Variants in SMARCD1 observed in about 807,000 individuals in gnomAD.
SMARCD1 encodes the protein SWI/SNF-related matrix-associated actin-dependent regulator of chromatin subfamily D member 1.
Under a neutral mutation model 70.8 loss-of-function variants are expected in SMARCD1, and 16 were observed. The ratio of observed to expected loss-of-function variants is 0.23; its 90% CI spans 0.15 to 0.34. The LOEUF is 0.34. Ranked by LOEUF, SMARCD1 falls within the 10% of genes least tolerant of loss-of-function variation. SMARCD1 has a pLI of 1.00. For missense variants in SMARCD1, 409 were observed against 655.5 expected, an observed-to-expected ratio of 0.62 and a Z score of 4.11; for synonymous variants, 249 against 246.0, an observed-to-expected ratio of 1.01 and a Z score of -0.11.
rs145422904 is a variant in SMARCD1, at chr12:50,086,056, C to T, written c.178-105C>T. The T allele has an allele frequency of 2.1e-3, 1,831 of 881,560 alleles. 3 individuals carry two copies. Among genetic ancestry groups the T allele is most frequent in the Non-Finnish European group, 1.8e-3 (1,084 of 600,724 alleles). The allele number at this position is 881,560 out of a possible 1,614,324, so 54.6% of individuals were successfully genotyped here. The stretch of plus-strand genomic sequence containing the variant: ...CCTCTCATTGTCCTCCATTCCATCC[C>T]TAAACCTTACTTCATTCAAAGATCT... On this transcript the variant is annotated intron_variant, in intron 1 of 12. Coordinates refer to ENST00000394963, the MANE Select transcript of SMARCD1 (RefSeq NM_003076.5).
chr12:50,090,474 C>T lies in SMARCD1; in HGVS notation c.1036-19C>T. 1 of 1,613,166 alleles carries T rather than the reference C, an allele frequency of 6.2e-7. No individual in the cohort carries two copies. ...TTATGCTCAAACTGCTAACCTCGTG[C>T]TTCTCCCCTTTGCTACAGATCTTTG... On this transcript the variant is annotated intron_variant, in intron 8 of 12. Coordinates refer to ENST00000394963, the MANE Select transcript of SMARCD1 (RefSeq NM_003076.5).
In SMARCD1 at chr12:50,090,358, C is replaced by G; in HGVS notation, c.991C>G (p.Pro331Ala). 1 of 1,614,080 alleles carries G rather than the reference C, an allele frequency of 6.2e-7. No individual in the cohort carries two copies. Among genetic ancestry groups the G allele is most frequent in the Non-Finnish European group, 8.5e-7 (1 of 1,180,008 alleles). ...QYIKTHKLQD[P>A]HEREFVICDK... ...TATTAAGACACATAAGCTCCAGGAC[C>G]CTCACGAGCGGGAGTTTGTCATCTG... Residue 331 changes from proline to alanine, a missense_variant, in exon 8 of 13, where the codon CCT becomes GCT. Around this residue, in one of 2 missense-constraint regions of SMARCD1, gnomAD observed 269 missense variants for 498.6 expected, o/e 0.54. Coordinates refer to ENST00000394963, the MANE Select transcript of SMARCD1 (RefSeq NM_003076.5).
intron 1 of SMARCD1, 156 bp from the exon 2 acceptor site, chr12:50,086,005 G>A (rs766123827): frequency 2.7e-4 from 128 of 472,698 alleles, no homozygotes; most frequent in Non-Finnish European, 4.1e-4. Flanking sequence ...TTTTTCTATG[G>A]AGTCACTACT....
intron 11 of SMARCD1, among the ~76,000 whole-genome samples, chr12:50,097,467 G>C (rs1950902739): frequency 6.6e-6 from 1 of 152,066 alleles, no homozygotes; most frequent in Non-Finnish European, 1.5e-5. Flanking sequence ...CAGGAGAATT[G>C]CTTGAACCCA....
At chr12:50,094,298 A>G in intron 9 of SMARCD1, 139 bp from the exon 10 acceptor site, 1 of 771,514 alleles carries the variant, frequency 1.3e-6, no homozygotes, top group East Asian at 2.5e-5. Flanking sequence ...AGTGTAGAAC[A>G]TTTCTGTCAC....
chr12:50,098,681 T>G, intron 11 of SMARCD1, 33 bp from the exon 12 acceptor site: 2 of 1,538,080 alleles, frequency 1.3e-6, no homozygotes, highest in Non-Finnish European at 1.8e-6. Flanking sequence ...TTCTCCTCTC[T>G]CTTCCTCCAC....
At chr12:50,087,074 T>C (rs1950798320) in intron 4 of SMARCD1, among the ~76,000 whole-genome samples, 196 bp downstream of exon 4, 1 of 152,220 alleles carries the variant, frequency 6.6e-6, no homozygotes, top group South Asian at 2.1e-4. Flanking sequence ...TCTTGATGTC[T>C]CTTGCACTAC....
In SMARCD1 at chr12:50,090,582, T is replaced by C; in HGVS notation, c.1125T>C (p.His375=). The change falls in exon 9 of 13, where the codon CAT becomes CAC. Residue 375 remains histidine, a synonymous_variant. Transcript: ENST00000394963. ...LMPPEPIIIN[H]VISVDPNDQK... is the part of the protein sequence containing the mutation. ...CACCAGAACCTATCATCATTAATCATGTCATCAGGTAGGCCTGTGTGTGGG... is the reference window on the plus strand; with the variant it reads ...CACCAGAACCTATCATCATTAATCACGTCATCAGGTAGGCCTGTGTGTGGG... 6.2e-7 allele frequency: 1 copy of C among 1,612,604 alleles called. No homozygotes were observed. The highest frequency in any genetic ancestry group is 8.5e-7 in the Non-Finnish European group (1 of 1,178,678).
Position 50,086,768 on chromosome 12 carries a change from G to A in SMARCD1, c.421G>A (p.Val141Ile). ...TTCTGTTCCTAAGATTCGTGAACTG[G>A]TACCAGAATCCCAGGCCTATATGGA... ...KILPQRIREL[V>I]PESQAYMDLL... Residue 141 changes from valine to isoleucine, a missense_variant, in exon 4 of 13, where the codon GTA becomes ATA. Transcript: ENST00000394963. 1 of 1,614,026 alleles carries A rather than the reference G, an allele frequency of 6.2e-7. No homozygotes were observed. The highest frequency in any genetic ancestry group is 8.5e-7 in the Non-Finnish European group (1 of 1,179,996).
chr12:50,097,147 G>A lies in SMARCD1; in HGVS notation c.1392+175G>A, dbSNP rs148774423. On this transcript the variant is annotated intron_variant, in intron 11 of 12. Coordinates refer to ENST00000394963, the MANE Select transcript of SMARCD1 (RefSeq NM_003076.5). ...AGGGAAATGGGGGCAGAGCCATCAA[G>A]TGTTGATTTAGTGCTTACTTTGTCT... Among the ~76,000 whole-genome samples the A allele has an allele frequency of 4.0e-3, 606 of 152,366 alleles. 5 individuals are homozygous for A. Among genetic ancestry groups the A allele is most frequent in the African/African-American group, 0.014 (572 of 41,592 alleles).
intron 10 of SMARCD1, among the ~76,000 whole-genome samples, chr12:50,096,315 AC>A (rs1950892845): frequency 2.0e-5 from 3 of 152,202 alleles, no homozygotes; most frequent in African/African-American, 7.2e-5. Flanking sequence ...TATTGGAGAA[AC>A]GGTAGTGAGT....
At chr12:50,098,415 G>A (rs145665744) in intron 11 of SMARCD1, 134 of 382,060 alleles carry the variant, frequency 3.5e-4, no homozygotes, top group African/African-American at 2.7e-3. Context: ...CTTGTAGGTG[G>A]TGGTCTCTGT....
chr12:50,088,703 T>A, intron 6 of SMARCD1, 66 bp downstream of exon 6: 1 of 888,800 alleles, frequency 1.1e-6, no homozygotes, highest in Non-Finnish European at 1.8e-6. Flanking sequence ...AGCCGTATTT[T>A]AATGTCTAAG....
In SMARCD1 at chr12:50,088,646, C is replaced by T. The variant is rs368838016; in HGVS notation, c.771+9C>T. The T allele has an allele frequency of 7.1e-7, 1 of 1,408,422 alleles. No individual in the cohort carries two copies. Among genetic ancestry groups the T allele is most frequent in the Non-Finnish European group, 1.0e-6 (1 of 999,102 alleles). The allele number at this position is 1,408,422 out of a possible 1,614,324, so 87.2% of individuals were successfully genotyped here. ...ACAACCATCTGGTAGAAGTGAGTAG[C>T]TCTGCCTTCTAGGCTTTGACTCTGA... On this transcript the variant is annotated intron_variant, in intron 6 of 12. Coordinates refer to ENST00000394963, the MANE Select transcript of SMARCD1 (RefSeq NM_003076.5).
intron 6 of SMARCD1, chr12:50,089,233 T>G (rs1011080759): frequency 6.6e-6 from 1 of 152,346 alleles, no homozygotes. Context: ...AACCTGCTCC[T>G]TTCTTTGCCA....
chr12:50,098,995 A>G lies in SMARCD1; in HGVS notation c.1543A>G (p.Thr515Ala). Residue 515 changes from threonine to alanine, a missense_variant, in exon 13 of 13, where the codon ACA becomes GCA. This residue lies in a region of SMARCD1 where 269 missense variants were observed against 498.6 expected (regional missense o/e 0.54). Coordinates refer to ENST00000394963, the MANE Select transcript of SMARCD1 (RefSeq NM_003076.5). ...ELEQALGIRN[T>A] ...AGAGCAAGCCCTGGGAATCCGGAAT[A>G]CATAGGGCCTCTCCCACAGCCCTGA... is the stretch of plus-strand genomic sequence containing the variant. The G allele has an allele frequency of 6.2e-7, 1 of 1,613,976 alleles. No individual in the cohort carries two copies. Among genetic ancestry groups the G allele is most frequent in the Non-Finnish European group, 8.5e-7 (1 of 1,179,874 alleles).
chr12:50,088,447 CT>C, intron 5 of SMARCD1, 73 bp from the exon 6 acceptor site: 2 of 835,164 alleles, frequency 2.4e-6, no homozygotes, highest in Non-Finnish European at 2.0e-6. Flanking sequence ...GTTGGGGTTC[CT>C]TTTTCATAGG....
chr12:50,091,260 T>C (rs1487035629), intron 9 of SMARCD1, among the ~76,000 whole-genome samples: 1 of 152,056 alleles, frequency 6.6e-6, no homozygotes, highest in Admixed American at 6.6e-5. Context: ...GTAATGTTGG[T>C]AGCTTGAAAT....
At chr12:50,087,517 A>G in intron 5 of SMARCD1, 32 bp downstream of exon 5, 2 of 1,610,586 alleles carry the variant, frequency 1.2e-6, no homozygotes, top group South Asian at 2.2e-5. Flanking sequence ...GTTGGCATCT[A>G]GGGTGGGAGC....
Sources: gnomAD v4.1 joint callset for allele counts (sites outside exome capture counted in the v4.1 genomes callset) on GRCh38, gnomAD v4.1.1 for gene constraint, gnomAD v4.1.1 regional missense constraint, MANE v1.5 for transcripts, NCBI Gene and HGNC (gene_info 2026-07-23, HGNC 2026-07-21) for gene names.